Variants in DNAJA3 observed in about 807,000 individuals in gnomAD.
The protein encoded by DNAJA3 is dnaJ homolog subfamily A member 3, mitochondrial.
A neutral mutation model predicts 54.9 loss-of-function variants in DNAJA3; 29 were observed. The ratio of observed to expected loss-of-function variants is 0.53; its 90% CI spans 0.39 to 0.72. The LOEUF (loss-of-function observed/expected upper bound fraction) is 0.72. Among genes scored for constraint, DNAJA3 ranks in the 30% least tolerant of loss-of-function variants. The pLI is 0.00. For missense variants in DNAJA3, 708 were observed against 639.4 expected (o/e 1.11, Z -1.16); for synonymous variants, 302 against 251.4 (o/e 1.20, Z -1.90).
intron 6 of DNAJA3, 64 bp from the exon 7 acceptor site, chr16:4,444,600 C>G (rs1028504483): frequency 2.8e-6 from 4 of 1,452,782 alleles, no homozygotes; most frequent in Non-Finnish European, 3.9e-6. Context: ...TCCCAAAGTG[C>G]TGGGATTACA....
intron 9 of DNAJA3, chr16:4,450,161 G>C: frequency 2.1e-6 from 1 of 465,404 alleles, no homozygotes; most frequent in Non-Finnish European, 3.8e-6. Flanking sequence ...ACTGTATTTA[G>C]CATAGCCACA....
intron 1 of DNAJA3, among the ~76,000 whole-genome samples, chr16:4,433,019 G>C (rs573545625): frequency 6.6e-6 from 1 of 152,136 alleles, no homozygotes; most frequent in South Asian, 2.1e-4. Flanking sequence ...GCAGGCGCCC[G>C]TAGTCCCAGC....
rs894992573 is a variant in DNAJA3 at position 4,444,335 on chromosome 16, T to C, written c.932-329T>C. Among the ~76,000 whole-genome samples, 6 of 151,474 alleles carry C rather than the reference T, an allele frequency of 4.0e-5. No homozygotes were observed. In the Admixed American group the frequency reaches 4.0e-4, roughly 10 times the overall value. ...ATAACTGCTCCCTTTCTTTTTTTTC[T>C]TTTTCTTTTCTTTTTTTTTTTTTTT... is the stretch of plus-strand genomic sequence containing the variant. On this transcript the variant is annotated intron_variant, in intron 6 of 11. Transcript: ENST00000262375.
chr16:4,433,457 G>A (rs2056732229), intron 1 of DNAJA3: 1 of 151,980 alleles, frequency 6.6e-6, no homozygotes, highest in Non-Finnish European at 1.5e-5. Flanking sequence ...GCCTGGAGAC[G>A]GGGAGTTCTC....
chr16:4,450,144 C>T (rs1177556638), intron 9 of DNAJA3: 19 of 429,140 alleles, frequency 4.4e-5, no homozygotes, highest in Non-Finnish European at 7.0e-5. Context: ...TGTTTCCCCT[C>T]CTGTAAACTG....
intron 3 of DNAJA3, among the ~76,000 whole-genome samples, chr16:4,438,707 G>A (rs1026546212): frequency 2.1e-5 from 3 of 141,782 alleles, no homozygotes; most frequent in Non-Finnish European, 3.0e-5. Flanking sequence ...GAACTCCTGA[G>A]CTGAAGAGAT....
intron 1 of DNAJA3, among the ~76,000 whole-genome samples, chr16:4,433,041 C>T (rs913657189): frequency 6.6e-6 from 1 of 152,050 alleles, no homozygotes; most frequent in Non-Finnish European, 1.5e-5. Context: ...ACTTGGGAGG[C>T]TGAGGCAGGA....
chr16:4,427,955 A>AT (rs913465631), intron 1 of DNAJA3, among the ~76,000 whole-genome samples: 4,601 of 145,166 alleles, frequency 0.032, 236 homozygotes, highest in African/African-American at 0.11. Flanking sequence ...AACAGAATGA[A>AT]TTTTTTTTTT....
chr16:4,427,981 T>A (rs2056645793), intron 1 of DNAJA3, among the ~76,000 whole-genome samples: 1 of 151,618 alleles, frequency 6.6e-6, no homozygotes, highest in Admixed American at 6.6e-5. Context: ...AGACGGAGTC[T>A]CGCTGTGTTG....
chr16:4,454,856 A>C lies in DNAJA3; in HGVS notation c.1385A>C (p.Glu462Ala), dbSNP rs1244033037. ...TCCGCAGGAAGCAAGGCTAGGCGTG[A>C]GGCTGGGGAGGACGAGGAGGGATTC... ...DSSAGSKARR[E>A]AGEDEEGFLS... is the part of the protein sequence containing the mutation. Residue 462 changes from glutamate to alanine, a missense_variant, in exon 11 of 12, where the codon GAG becomes GCG. By Grantham distance (107) the Glu-to-Ala change is moderately radical (BLOSUM62 -1). Coordinates refer to ENST00000262375, the MANE Select transcript of DNAJA3 (RefSeq NM_005147.6). 1 of 1,614,120 alleles carries C rather than the reference A, an allele frequency of 6.2e-7. No individual in the cohort carries two copies. The highest frequency in any genetic ancestry group is 8.5e-7 in the Non-Finnish European group (1 of 1,179,978).
chr16:4,441,055 G>A (rs1287984124), intron 3 of DNAJA3: 4 of 429,684 alleles, frequency 9.3e-6, no homozygotes, highest in Non-Finnish European at 1.7e-5. Context: ...GAGGAGAGAG[G>A]TGAAGTGTGA....
In DNAJA3 at chr16:4,442,300, A is replaced by G; in HGVS notation, c.663A>G (p.Ala221=). ...TGGAGTTGACATTCAATCAAGCTGCAAAGGGGGTCAACAAGGAGTTCACCG... is the reference window on the plus strand; with the variant it reads ...TGGAGTTGACATTCAATCAAGCTGCGAAGGGGGTCAACAAGGAGTTCACCG... The part of the protein sequence containing the change: ...YFMELTFNQA[A]KGVNKEFTVN... Residue 221 remains alanine, a synonymous_variant, in exon 5 of 12, where the codon GCA becomes GCG. Coordinates refer to ENST00000262375, the MANE Select transcript of DNAJA3 (RefSeq NM_005147.6). 3 of 1,603,306 alleles carry G rather than the reference A, an allele frequency of 1.9e-6. No homozygotes were observed. The highest frequency in any genetic ancestry group is 2.6e-6 in the Non-Finnish European group (3 of 1,174,148).
In DNAJA3 at chr16:4,434,415, C is replaced by T; in HGVS notation, c.243C>T (p.Ala81=). 2.5e-6 allele frequency: 4 copies of T among 1,613,468 alleles called. No individual in the cohort carries two copies. Among genetic ancestry groups the T allele is most frequent in the Non-Finnish European group, 2.5e-6 (3 of 1,179,912 alleles). ...GTKHNPFICT[A]SFHTSAPLAK... is the part of the protein sequence containing the mutation. ...AACATAACCCTTTCATTTGTACTGCCTCCTTCCACACGAGTGCCCCTTTGG... is the reference window on the plus strand; with the variant it reads ...AACATAACCCTTTCATTTGTACTGCTTCCTTCCACACGAGTGCCCCTTTGG... Residue 81 remains alanine, a synonymous_variant, in exon 2 of 12, where the codon GCC becomes GCT. Coordinates refer to ENST00000262375, the MANE Select transcript of DNAJA3 (RefSeq NM_005147.6).
intron 10 of DNAJA3, among the ~76,000 whole-genome samples, chr16:4,452,556 C>T (rs1294581566): frequency 1.3e-5 from 2 of 152,142 alleles, no homozygotes; most frequent in African/African-American, 4.8e-5. Context: ...TCAGCTGTTC[C>T]CTCACTCAGC....
chr16:4,434,798 A>G (rs2056752491), intron 2 of DNAJA3, among the ~76,000 whole-genome samples: 1 of 151,910 alleles, frequency 6.6e-6, no homozygotes, highest in South Asian at 2.1e-4. Context: ...TATTTTCTGA[A>G]TCAGTAGATA....
Position 4,444,696 on chromosome 16 carries a change from G to C in DNAJA3, c.964G>C (p.Val322Leu). The C allele has an allele frequency of 6.2e-7, 1 of 1,614,150 alleles. No homozygotes were observed. The highest frequency in any genetic ancestry group is 8.5e-7 in the Non-Finnish European group (1 of 1,180,006). ...GGATGGCCAGACCGTGAGGATGCCT[G>C]TGGGAAAAAGGGAAATTTTCATTAC... is the stretch of plus-strand genomic sequence containing the variant. ...VEDGQTVRMPVGKREIFITFR... is the reference protein window; with the variant it reads ...VEDGQTVRMPLGKREIFITFR... Residue 322 changes from valine to leucine, a missense_variant, in exon 7 of 12, where the codon GTG (valine) becomes CTG (leucine). Transcript: ENST00000262375.
chr16:4,434,886 CTTTTTTT>C (rs202179531), intron 2 of DNAJA3, among the ~76,000 whole-genome samples: 2 of 100,196 alleles, frequency 2.0e-5, no homozygotes, highest in African/African-American at 4.1e-5. Flanking sequence ...CCTTTCCTTT[CTTTTTTT>C]TTTTTTTTTT....
rs1270912742 is a variant in DNAJA3 at position 4,446,886 on chromosome 16, G to C, written c.997G>C (p.Val333Leu). 6.2e-7 allele frequency: 1 copy of C among 1,613,926 alleles called. No homozygotes were observed. Among genetic ancestry groups the C allele is most frequent in the Non-Finnish European group, 8.5e-7 (1 of 1,179,988 alleles). The change falls in exon 8 of 12, where the codon GTG becomes CTG. Residue 333 changes from valine to leucine, a missense_variant and splice_region_variant. Coordinates refer to ENST00000262375, the MANE Select transcript of DNAJA3 (RefSeq NM_005147.6). ...ATGCATCTGTCATGTTTGGCCTTAG[G>C]TGCAGAAAAGCCCTGTGTTCCGGAG... is the stretch of plus-strand genomic sequence containing the variant. Reference protein sequence around the residue: ...GKREIFITFRVQKSPVFRRDG... With the variant: ...GKREIFITFRLQKSPVFRRDG...
rs1361710885 is a variant in DNAJA3 at position 4,442,976 on chromosome 16, T to C, written c.784-41T>C. On this transcript the variant is annotated intron_variant, in intron 5 of 11. Transcript: ENST00000262375. Reference sequence around the variant, plus strand: ...GTGGTCCCAGAACCACCCATCAGTTTACCTGCGTACTTAGGTTACCATTTT... The same window carrying C: ...GTGGTCCCAGAACCACCCATCAGTTCACCTGCGTACTTAGGTTACCATTTT... The C allele has an allele frequency of 5.6e-6, 9 of 1,600,792 alleles. No homozygotes were observed. In the Admixed American group the frequency reaches 1.5e-4, roughly 27 times the overall value.
Sources: gnomAD v4.1 joint callset for allele counts (sites outside exome capture counted in the v4.1 genomes callset) on GRCh38, gnomAD v4.1.1 for gene constraint, MANE v1.5 for transcripts, NCBI Gene and HGNC (gene_info 2026-07-23, HGNC 2026-07-21) for gene names.